The following FCHO2 variants were observed in gnomAD, a reference collection of about 807,000 sequenced individuals.
FCHO2 encodes the protein F-BAR domain only protein 2.
In FCHO2, 43 loss-of-function variants were observed where a neutral mutation model predicts 114.1. The observed-to-expected ratio is 0.38, with a 90% CI of 0.30 to 0.49. The LOEUF (loss-of-function observed/expected upper bound fraction) is 0.49. FCHO2 is among the 20% of genes least tolerant of loss of function. The pLI is 0.97. For missense variants in FCHO2, 807 were observed against 950.4 expected, an observed-to-expected ratio of 0.85 and a Z score of 1.98; for synonymous variants, 293 against 315.2, an observed-to-expected ratio of 0.93 and a Z score of 0.75.
At position 73,001,469 on chromosome 5, in the gene FCHO2, AAAG is replaced by A. The variant is rs1244385777; in HGVS notation, c.496-4973_496-4971del. ...GTCTCAAAAAAAAAAAAAAAAAAAA[AAAG>A]AAATGAAAAGAAATTTCTTTATTAG... On this transcript the variant is annotated intron_variant, in intron 5 of 25. Transcript: ENST00000430046. Among the ~76,000 whole-genome samples, 643 of 151,072 alleles carry A rather than the reference AAAG, an allele frequency of 4.3e-3. 9 individuals carry two copies. The highest frequency in any genetic ancestry group is 0.015 in the African/African-American group (609 of 41,126).
intron 1 of FCHO2, among the ~76,000 whole-genome samples, chr5:72,959,758 C>G (rs1224618847): frequency 2.0e-5 from 3 of 151,254 alleles, no homozygotes; most frequent in African/African-American, 7.3e-5. Context: ...CTTGTCTTCT[C>G]TTCTCTCTCT....
At chr5:73,036,004 G>A (rs772281360) in intron 9 of FCHO2, among the ~76,000 whole-genome samples, 23 of 151,482 alleles carry the variant, frequency 1.5e-4, no homozygotes, top group Non-Finnish European at 2.5e-4. Flanking sequence ...CACTACGCCC[G>A]GCTAATTTTT....
intron 1 of FCHO2, among the ~76,000 whole-genome samples, chr5:72,957,424 CCT>C (rs1751615989): frequency 6.6e-6 from 1 of 152,162 alleles, no homozygotes; most frequent in South Asian, 2.1e-4. Context: ...GTATTTTCTG[CCT>C]CTCTGCATTT....
At chr5:73,037,514 A>C (rs2112800939) in intron 10 of FCHO2, among the ~76,000 whole-genome samples, 1 of 152,234 alleles carries the variant, frequency 6.6e-6, no homozygotes, top group Admixed American at 6.5e-5. Context: ...ATATTTTAAA[A>C]AATTAAAAGT....
intron 8 of FCHO2, among the ~76,000 whole-genome samples, chr5:73,023,695 C>T (rs1004334433): frequency 4.1e-5 from 6 of 146,774 alleles, no homozygotes; most frequent in African/African-American, 1.5e-4. Context: ...AGCGAAACTC[C>T]ATCTCAAAAA....
chr5:72,969,492 C>T (rs1003602097), intron 2 of FCHO2, among the ~76,000 whole-genome samples: 8 of 152,212 alleles, frequency 5.3e-5, no homozygotes, highest in African/African-American at 1.9e-4. Context: ...CTCCTTCCTC[C>T]GGGCTTCTAC....
At chr5:73,058,065 C>T (rs1757684425) in intron 16 of FCHO2, among the ~76,000 whole-genome samples, 1 of 151,990 alleles carries the variant, frequency 6.6e-6, no homozygotes, top group African/African-American at 2.4e-5. Flanking sequence ...GGCTGGAGTA[C>T]AGTGGTGCAA....
At chr5:72,982,122 C>T (rs1490310424) in intron 2 of FCHO2, among the ~76,000 whole-genome samples, 1 of 152,154 alleles carries the variant, frequency 6.6e-6, no homozygotes, top group East Asian at 1.9e-4. Flanking sequence ...ATGCACCATT[C>T]CTCACAGCAC....
At chr5:72,971,640 A>G (rs1365340798) in intron 2 of FCHO2, among the ~76,000 whole-genome samples, 2 of 151,938 alleles carry the variant, frequency 1.3e-5, no homozygotes, top group African/African-American at 2.4e-5. Context: ...ATTTTCTCCC[A>G]TTTTGTAGGT....
At chr5:72,963,902 GTTTTTTTTTTTTT>G (rs70973214) in intron 1 of FCHO2, among the ~76,000 whole-genome samples, 17 of 95,724 alleles carry the variant, frequency 1.8e-4, no homozygotes, top group African/African-American at 2.5e-4. Flanking sequence ...GGAACTTTCA[GTTTTTTTTTTTTT>G]TTTTTTTTTT....
intron 5 of FCHO2, among the ~76,000 whole-genome samples, chr5:72,994,332 A>G (rs2112678504): frequency 6.6e-6 from 1 of 152,384 alleles, no homozygotes; most frequent in African/African-American, 2.4e-5. Context: ...GGACATGAAC[A>G]GACACTTCTC....
chr5:73,008,696 T>C (rs2112720814), intron 6 of FCHO2, among the ~76,000 whole-genome samples: 1 of 152,276 alleles, frequency 6.6e-6, no homozygotes, highest in South Asian at 2.1e-4. Context: ...AGTATTTTTT[T>C]TTCTGTGATT....
intron 5 of FCHO2, among the ~76,000 whole-genome samples, chr5:72,998,355 C>T (rs1157316605): frequency 3.3e-5 from 5 of 151,776 alleles, no homozygotes; most frequent in African/African-American, 7.3e-5. Context: ...GGCGTGGTGG[C>T]GGGCGCCTGT....
intron 1 of FCHO2, 148 bp from the exon 2 acceptor site, chr5:72,968,350 C>CATGTTTAAAGCAA (rs1752320902): frequency 2.0e-6 from 1 of 507,216 alleles, no homozygotes; most frequent in African/African-American, 2.0e-5. Context: ...TTGCTTTATA[C>CATGTTTAAAGCAA]TGTTTAAAAT....
In FCHO2 at chr5:73,088,600, C is replaced by T. The variant is rs1743386959; in HGVS notation, c.*510C>T. 6.4e-6 allele frequency: 1 copy of T among 155,388 alleles called. No individual in the cohort carries two copies. The allele number at this position is 155,388 out of a possible 1,614,324, so 9.6% of individuals were successfully genotyped here. ...ATTGAGCTATGTGCCATAAGGTAAT[C>T]AGACCAGAGTCCAAGTTGTATGCAA... On this transcript the variant is annotated 3_prime_UTR_variant, in exon 26 of 26. Coordinates refer to ENST00000430046, the MANE Select transcript of FCHO2 (RefSeq NM_138782.3).
rs144447743 is a variant in FCHO2 at position 72,957,549 on chromosome 5, T to C, written c.33+1420T>C. On this transcript the variant is annotated intron_variant, in intron 1 of 25. Coordinates refer to ENST00000430046, the MANE Select transcript of FCHO2 (RefSeq NM_138782.3). ...AGCATGTATCACTACTAATTCCTTT[T>C]TATGGTCAAATAATATTCCATTCCA... Among the ~76,000 whole-genome samples, 179 of 152,366 alleles carry C rather than the reference T, an allele frequency of 1.2e-3. 1 individual carries two copies. The highest frequency in any genetic ancestry group is 4.1e-3 in the African/African-American group (169 of 41,590).
intron 11 of FCHO2, among the ~76,000 whole-genome samples, chr5:73,043,108 T>A (rs927312795): frequency 1.3e-4 from 19 of 148,576 alleles, no homozygotes; most frequent in African/African-American, 4.6e-4. Flanking sequence ...TCTTAAACCT[T>A]TTTTTTTTGG....
intron 5 of FCHO2, among the ~76,000 whole-genome samples, chr5:73,000,469 CTTAA>C (rs1754375219): frequency 1.1e-5 from 1 of 91,092 alleles, no homozygotes; most frequent in Non-Finnish European, 2.1e-5. Context: ...GAAACTCAGT[CTTAA>C]AAAAAAAAAA....
chr5:73,015,883 G>A (rs1052616565), intron 7 of FCHO2, among the ~76,000 whole-genome samples, 159 bp downstream of exon 7: 1 of 151,842 alleles, frequency 6.6e-6, no homozygotes, highest in African/African-American at 2.4e-5. Flanking sequence ...GTAGTAAATA[G>A]AAAATAAACT....
Sources: allele counts gnomAD v4.1 joint callset (sites outside exome capture counted in the v4.1 genomes callset), GRCh38; gene constraint gnomAD v4.1.1; transcripts MANE v1.5; gene names NCBI Gene and HGNC (gene_info 2026-07-23, HGNC 2026-07-21).